Variants in MTMR8 observed in about 807,000 individuals in gnomAD.
MTMR8 encodes phosphatidylinositol-3,5-bisphosphate 3-phosphatase MTMR8.
A neutral mutation model predicts 39.3 loss-of-function variants in MTMR8; 65 were observed. That is an observed-to-expected ratio of 1.65 (90% CI 1.35 to 2.03). The LOEUF (loss-of-function observed/expected upper bound fraction) is 2.03, where lower values mean the gene tolerates loss of function less well. Ranked by LOEUF, MTMR8 falls within the 30% of genes most tolerant of loss-of-function variation. MTMR8 has a pLI of 0.00. For missense variants in MTMR8, 777 were observed against 538.9 expected, an observed-to-expected ratio of 1.44 and a Z score of -4.37; for synonymous variants, 245 against 185.2, an observed-to-expected ratio of 1.32 and a Z score of -2.62.
intron 2 of MTMR8, among the ~76,000 whole-genome samples, chrX:64,358,972 G>T (rs1923702819): frequency 9.1e-6 from 1 of 110,092 alleles, no homozygotes; most frequent in African/African-American, 3.3e-5. Flanking sequence ...CTTAGCATCA[G>T]CATAACCTGA....
In MTMR8 at chrX:64,341,635, T is replaced by C. The variant is rs529187283; in HGVS notation, c.975+1976A>G. On this transcript the variant is annotated intron_variant, in intron 8 of 13. Transcript: ENST00000374852. ...TATAGCTACTTAAATTTGAATTTGT[T>C]AAAACTAAATAAAATCATAAATTCA... Among the ~76,000 whole-genome samples, 127 of 111,818 alleles carry C rather than the reference T, an allele frequency of 1.1e-3. 1 individual carries two copies. The highest frequency in any genetic ancestry group is 0.01 in the South Asian group (27 of 2,671).
At chrX:64,307,744 G>A (rs111753904) in intron 12 of MTMR8, among the ~76,000 whole-genome samples, 3 of 111,788 alleles carry the variant, frequency 2.7e-5, no homozygotes, top group Admixed American at 1.9e-4. Context: ...ATCTGCCTGC[G>A]ATTTTCATAG....
chrX:64,326,825 C>T (rs1286720508), intron 12 of MTMR8, among the ~76,000 whole-genome samples: 1 of 109,266 alleles, frequency 9.2e-6, no homozygotes, highest in Admixed American at 9.8e-5. Flanking sequence ...CTATAGCAAC[C>T]AAAATAGAAT....
At chrX:64,301,008 C>A (rs1235888911) in intron 12 of MTMR8, among the ~76,000 whole-genome samples, 1 of 105,844 alleles carries the variant, frequency 9.4e-6, no homozygotes, top group Non-Finnish European at 2.0e-5. Flanking sequence ...CTGCCCTTAA[C>A]ATTTTTTCCT....
chrX:64,358,322 A>G (rs948359611), intron 2 of MTMR8, among the ~76,000 whole-genome samples: 1 of 111,698 alleles, frequency 9.0e-6, no homozygotes, highest in African/African-American at 3.3e-5. Flanking sequence ...CAAAAGGAGC[A>G]AAATACAATC....
chrX:64,382,455 T>C (rs1324616362), intron 1 of MTMR8, among the ~76,000 whole-genome samples: 1 of 112,034 alleles, frequency 8.9e-6, no homozygotes, highest in African/African-American at 3.2e-5. Context: ...ATTGATTTTG[T>C]ATCCTGAGAC....
rs201497302 is a variant in MTMR8 at position 64,348,843 on chromosome X, A to T, written c.598-49T>A. The stretch of plus-strand genomic sequence containing the variant: ...TGAGTGATTATATTCACAAATGGTC[A>T]AAAATCTTTCTTGACCCTTGCCAGG... On this transcript the variant is annotated intron_variant, in intron 5 of 13. Transcript: ENST00000374852. 2.4e-4 allele frequency: 285 copies of T among 1,192,025 alleles called. 1 individual carries two copies. Among genetic ancestry groups the T allele is most frequent in the Admixed American group, 1.8e-4 (8 of 45,246 alleles).
intron 12 of MTMR8, among the ~76,000 whole-genome samples, chrX:64,321,440 T>A (rs1450027633): frequency 2.7e-5 from 3 of 111,523 alleles, no homozygotes; most frequent in African/African-American, 9.8e-5. Context: ...ATAATTGAAA[T>A]GAAAAACTCA....
intron 12 of MTMR8, chrX:64,306,451 G>A: frequency 6.4e-6 from 1 of 155,236 alleles, no homozygotes; most frequent in South Asian, 1.6e-4. Context: ...ACTGGACAAA[G>A]CTTCCTAGCA....
chrX:64,312,341 G>A (rs1295121178), intron 12 of MTMR8, among the ~76,000 whole-genome samples: 1 of 111,471 alleles, frequency 9.0e-6, no homozygotes, highest in African/African-American at 3.3e-5. Flanking sequence ...TGTGATTTCT[G>A]CACATTGATT....
Position 64,268,884 on chromosome X carries a change from T to A in MTMR8, c.1768A>T (p.Arg590Trp). 1 of 1,211,722 alleles carries A rather than the reference T, an allele frequency of 8.3e-7. No homozygotes were observed. Among genetic ancestry groups the A allele is most frequent in the East Asian group, 3.0e-5 (1 of 33,831 alleles). The change falls in exon 14 of 14, where the codon AGG (arginine) becomes TGG (tryptophan). Residue 590 changes from arginine to tryptophan, a missense_variant. By Grantham distance (101) the Arg-to-Trp change is moderately radical. Transcript: ENST00000374852. ...ATCTGAGCTCGGAGGCCTCCTTCCCTGGATAGGGTGCCATTCTCCATCAGG... is the reference window on the plus strand; with the variant it reads ...ATCTGAGCTCGGAGGCCTCCTTCCCAGGATAGGGTGCCATTCTCCATCAGG... ...NTLMENGTLS[R>W]EGGLRAQMDQ...
intron 1 of MTMR8, among the ~76,000 whole-genome samples, chrX:64,380,530 C>T (rs746065996): frequency 8.9e-6 from 1 of 112,577 alleles, no homozygotes; most frequent in Non-Finnish European, 1.9e-5. Context: ...TTAATCCAAA[C>T]TTCATCTAAA....
chrX:64,293,028 A>T (rs1469873680), intron 12 of MTMR8, among the ~76,000 whole-genome samples: 2 of 111,347 alleles, frequency 1.8e-5, no homozygotes, highest in East Asian at 5.7e-4. Context: ...GAAAATGTTA[A>T]CCAAGGTCAA....
At chrX:64,339,064 T>A (rs1923149339) in intron 8 of MTMR8, among the ~76,000 whole-genome samples, 1 of 111,035 alleles carries the variant, frequency 9.0e-6, no homozygotes, top group African/African-American at 3.3e-5. Context: ...GACAACTGGA[T>A]ATGTGGGTTT....
At chrX:64,358,285 A>G (rs770285704) in intron 2 of MTMR8, among the ~76,000 whole-genome samples, 1 of 111,854 alleles carries the variant, frequency 8.9e-6, no homozygotes, top group South Asian at 3.7e-4. Context: ...CCCAGTTCTC[A>G]TTCCTCTTTT....
Position 64,356,306 on chromosome X carries a change from C to T in MTMR8, c.180G>A (p.Lys60=). ...GACAACCCAGGCTAGTGATGGGTAA[C>T]TTCTCCACAGTGGCAATGTGATGGA... The part of the protein sequence containing the change: ...IALHHIATVE[K]LPITSLGCPL... The change falls in exon 3 of 14, where the codon AAG becomes AAA. Residue 60 remains lysine, a synonymous_variant. Coordinates refer to ENST00000374852, the MANE Select transcript of MTMR8 (RefSeq NM_017677.4). 1 of 1,207,637 alleles carries T rather than the reference C, an allele frequency of 8.3e-7. No individual in the cohort carries two copies. The highest frequency in any genetic ancestry group is 1.8e-5 in the South Asian group (1 of 56,066).
chrX:64,307,895 A>G (rs1442768739), intron 12 of MTMR8, among the ~76,000 whole-genome samples: 1 of 112,529 alleles, frequency 8.9e-6, no homozygotes, highest in African/African-American at 3.2e-5. Context: ...AATTGTCAGC[A>G]GATCTTATAC....
At chrX:64,305,356 C>G (rs749770260) in intron 12 of MTMR8, 12 of 210,288 alleles carry the variant, frequency 5.7e-5, no homozygotes, top group Non-Finnish European at 9.8e-5. Flanking sequence ...TTCTGAGTGC[C>G]AATATCCCCC....
intron 1 of MTMR8, among the ~76,000 whole-genome samples, chrX:64,369,332 C>A (rs986535030): frequency 1.8e-5 from 2 of 111,877 alleles, no homozygotes; most frequent in African/African-American, 6.5e-5. Context: ...TATTGCGGCA[C>A]TATTCACAAT....
Sources: allele counts gnomAD v4.1 joint callset (sites outside exome capture counted in the v4.1 genomes callset), GRCh38; gene constraint gnomAD v4.1.1; transcripts MANE v1.5; gene names NCBI Gene and HGNC (gene_info 2026-07-23, HGNC 2026-07-21).